TEP1: variants seen among roughly 807,000 people sequenced by gnomAD.
The protein encoded by TEP1 is telomerase associated protein 1, also known as telomerase protein component 1.
A neutral mutation model predicts 306.3 loss-of-function variants in TEP1; 241 were observed. The ratio of observed to expected loss-of-function variants is 0.79; its 90% CI spans 0.71 to 0.88. The LOEUF (loss-of-function observed/expected upper bound fraction) is 0.88, where lower values mean the gene tolerates loss of function less well. TEP1 is among the 40% of genes least tolerant of loss of function. TEP1 has a pLI of 0.00. For missense variants in TEP1, 3,051 were observed against 3,276.1 expected (o/e 0.93, Z 1.68); for synonymous variants, 1,289 against 1,305.5 (o/e 0.99, Z 0.27).
rs374209048 is a variant in TEP1, at chr14:20,402,733, G to A, written c.1266+644C>T. Among the ~76,000 whole-genome samples the A allele has an allele frequency of 5.9e-4, 90 of 152,262 alleles. 1 individual carries two copies. The South Asian group carries it at 0.018, about 30-fold the overall frequency. On this transcript the variant is annotated intron_variant, in intron 7 of 54. Coordinates refer to ENST00000262715, the MANE Select transcript of TEP1 (RefSeq NM_007110.5). ...CAGATTCTATGCTCTTAAATGCTAC[G>A]TACAATACCTTATTTGTCCAAAAGT...
chr14:20,407,615 A>G (rs1390938022), intron 2 of TEP1, among the ~76,000 whole-genome samples: 1 of 152,250 alleles, frequency 6.6e-6, no homozygotes, highest in Admixed American at 6.5e-5. Flanking sequence ...TGCTGGGATT[A>G]CAGGCATGAG....
In TEP1 at chr14:20,377,468, G is replaced by A; in HGVS notation, c.5900C>T (p.Ala1967Val). 6.2e-7 allele frequency: 1 copy of A among 1,614,080 alleles called. No individual in the cohort carries two copies. The highest frequency in any genetic ancestry group is 8.5e-7 in the Non-Finnish European group (1 of 1,179,972). The change falls in exon 41 of 55, where the codon GCA (alanine) becomes GTA (valine). Residue 1967 changes from alanine (A) to valine (V), a missense_variant. By Grantham distance (64) the Ala-to-Val change is moderately conservative. Coordinates refer to ENST00000262715, the MANE Select transcript of TEP1 (RefSeq NM_007110.5). Reference sequence around the variant, plus strand: ...CAGGGCGGACACTGCCACATCCAGTGCCTGACCCTGAGCCCCCTGGGAACC... The same window carrying A: ...CAGGGCGGACACTGCCACATCCAGTACCTGACCCTGAGCCCCCTGGGAACC... ...SSGSQGAQGQ[A>V]LDVAVSALAW...
chr14:20,383,048 T>A (rs1348917613), intron 27 of TEP1, 126 bp downstream of exon 27: 5 of 1,135,952 alleles, frequency 4.4e-6, no homozygotes, highest in Non-Finnish European at 6.2e-6. Flanking sequence ...CAACTTCCCA[T>A]GGACAGAATT....
chr14:20,379,886 T>C (rs1487863399), intron 35 of TEP1, 44 bp downstream of exon 35: 3 of 1,582,120 alleles, frequency 1.9e-6, no homozygotes, highest in South Asian at 2.4e-5. Context: ...GCAGTCTGCA[T>C]GGATTTTCAG....
rs1250076926 is a variant in TEP1, at chr14:20,405,579, G to A, written c.742C>T (p.Leu248=). Residue 248 remains leucine (L), a synonymous_variant, in exon 4 of 55, where the codon CTA becomes TTA. Coordinates refer to ENST00000262715, the MANE Select transcript of TEP1 (RefSeq NM_007110.5). The part of the protein sequence containing the change: ...DHVLQEKKMA[L]LSLLCSTLVS... ...AGAGTAGAGCACAGCAAGCTCAGTA[G>A]AGCCATCTGGGAATTGAGAAAGAGG... is the stretch of plus-strand genomic sequence containing the variant. The A allele has an allele frequency of 1.2e-6, 2 of 1,613,770 alleles. No individual in the cohort carries two copies. The highest frequency in any genetic ancestry group is 2.2e-5 in the East Asian group (1 of 44,886).
chr14:20,368,734 C>T, intron 54 of TEP1, 64 bp downstream of exon 54: 1 of 1,539,702 alleles, frequency 6.5e-7, no homozygotes, highest in Non-Finnish European at 8.9e-7. Flanking sequence ...TGTCTTGTGA[C>T]ATCCCTTTGG....
chr14:20,372,599 C>G, intron 49 of TEP1, 134 bp downstream of exon 49: 1 of 1,369,168 alleles, frequency 7.3e-7, no homozygotes, highest in Non-Finnish European at 1.0e-6. Flanking sequence ...TGGACAGAAG[C>G]AGAAAATAAT....
chr14:20,372,362 A>ATGTGTGTGTGTGTG (rs1207479974), intron 49 of TEP1, among the ~76,000 whole-genome samples: 1 of 135,008 alleles, frequency 7.4e-6, no homozygotes, highest in African/African-American at 2.7e-5. Flanking sequence ...CCCCAGGAAT[A>ATGTGTGTGTGTGTG]TGTGTGTGTG....
At chr14:20,393,171 T>C (rs1184401400) in intron 12 of TEP1, among the ~76,000 whole-genome samples, 1 of 151,484 alleles carries the variant, frequency 6.6e-6, no homozygotes, top group Non-Finnish European at 1.5e-5. Flanking sequence ...GAGCCGAGAT[T>C]GTGCCACTGC....
At chr14:20,379,251 A>G (rs1321460022) in intron 35 of TEP1, 146 bp from the exon 36 acceptor site, 11 of 1,093,898 alleles carry the variant, frequency 1.0e-5, no homozygotes, top group Non-Finnish European at 1.3e-5. Flanking sequence ...CACACGTTCA[A>G]GTGGGGGCCT....
At position 20,386,652 on chromosome 14, in the gene TEP1, T is replaced by C. The variant is rs1877187504; in HGVS notation, c.2685-29A>G. ...GGGATAAGCAGAGAGCTGGGCTCAG[T>C]CTAGGGATGATTCCCACCCCCCATC... On this transcript the variant is annotated intron_variant, in intron 18 of 54. Transcript: ENST00000262715. 4 of 1,544,540 alleles carry C rather than the reference T, an allele frequency of 2.6e-6. No individual in the cohort carries two copies. The Admixed American group carries it at 5.6e-5, about 22-fold the overall frequency.
In TEP1 at chr14:20,377,494, T is replaced by C; in HGVS notation, c.5876-2A>G. 3 of 1,613,422 alleles carry C rather than the reference T, an allele frequency of 1.9e-6. No individual in the cohort carries two copies. The highest frequency in any genetic ancestry group is 1.1e-5 in the South Asian group (1 of 91,056). ...CCTGACCCTGAGCCCCCTGGGAACC[T>C]AGAGAATGAGAGAGAACAAGGGAGT... On this transcript the variant is annotated splice_acceptor_variant, in intron 40 of 54. Coordinates refer to ENST00000262715, the MANE Select transcript of TEP1 (RefSeq NM_007110.5). LOFTEE classifies it high-confidence loss of function.
chr14:20,379,993 C>T lies in TEP1; in HGVS notation c.5064G>A (p.Gly1688=). The T allele has an allele frequency of 2.5e-6, 4 of 1,614,082 alleles. No homozygotes were observed. The highest frequency in any genetic ancestry group is 1.7e-4 in the Middle Eastern group (1 of 6,056). The change falls in exon 35 of 55, where the codon GGG becomes GGA. Residue 1688 remains glycine (G), a synonymous_variant. Transcript: ENST00000262715. ...TGGCAGTGCCCACAGCTGCTCTTTGCCCATTGGTGGAGAAGGCCACAGCAG... is the reference window on the plus strand; with the variant it reads ...TGGCAGTGCCCACAGCTGCTCTTTGTCCATTGGTGGAGAAGGCCACAGCAG... The part of the protein sequence containing the change: ...SPTAVAFSTN[G]QRAAVGTANG...
rs1416104796 is a variant in TEP1, at chr14:20,378,021, G to A, written c.5721+3C>T. The stretch of plus-strand genomic sequence containing the variant: ...ACCCACCACCAGCCCTCTGCAAGCT[G>A]ACCTTGCCATCCTCTCCAGCCGTCA... On this transcript the variant is annotated splice_donor_region_variant and intron_variant, in intron 39 of 54. Coordinates refer to ENST00000262715, the MANE Select transcript of TEP1 (RefSeq NM_007110.5). 1.3e-5 allele frequency: 21 copies of A among 1,612,482 alleles called. No individual in the cohort carries two copies. The highest frequency in any genetic ancestry group is 1.8e-5 in the Non-Finnish European group (21 of 1,179,962).
intron 1 of TEP1, among the ~76,000 whole-genome samples, chr14:20,411,898 A>G (rs932949640): frequency 1.3e-5 from 2 of 151,940 alleles, no homozygotes; most frequent in Non-Finnish European, 2.9e-5. Context: ...GAATCACTTG[A>G]GGTCAGGAGT....
At chr14:20,407,418 A>G (rs974038226) in intron 2 of TEP1, among the ~76,000 whole-genome samples, 2 of 152,110 alleles carry the variant, frequency 1.3e-5, no homozygotes, top group African/African-American at 4.8e-5. Flanking sequence ...GAGTGCAGTG[A>G]CACAATCTCG....
Position 20,408,172 on chromosome 14 carries a change from T to A in TEP1, c.268A>T (p.Thr90Ser). The change falls in exon 2 of 55, where the codon ACC becomes TCC. Residue 90 changes from threonine to serine, a missense_variant. By Grantham distance (58) the Thr-to-Ser change is moderately conservative. Around this residue, in one of 3 missense-constraint regions of TEP1, gnomAD observed 1,507 missense variants for 1,550.5 expected, o/e 0.97. Coordinates refer to ENST00000262715, the MANE Select transcript of TEP1 (RefSeq NM_007110.5). ...QCLATLSDLK[T>S]MEKPHGHVSA... is the part of the protein sequence containing the mutation. ...ACATGTCCATGTGGTTTCTCCATGG[T>A]CTTCAGGTCAGAAAGTGTGGCCAGG... 1 of 1,610,950 alleles carries A rather than the reference T, an allele frequency of 6.2e-7. No individual in the cohort carries two copies. The highest frequency in any genetic ancestry group is 8.5e-7 in the Non-Finnish European group (1 of 1,179,450).
At chr14:20,379,194 A>C in intron 35 of TEP1, 89 bp from the exon 36 acceptor site, 1 of 1,516,048 alleles carries the variant, frequency 6.6e-7, no homozygotes, top group Non-Finnish European at 8.9e-7. Context: ...AAAGAAGGCC[A>C]AGGCACAAAG....
In TEP1 at chr14:20,378,043, G is replaced by A. The variant is rs376802805; in HGVS notation, c.5702C>T (p.Thr1901Met). 2.2e-5 allele frequency: 36 copies of A among 1,613,032 alleles called. No individual in the cohort carries two copies. The highest frequency in any genetic ancestry group is 2.8e-5 in the Non-Finnish European group (33 of 1,179,992). ...LFLHAGCQLL[T>M]AGEDGKVQVW... ...GCTGACCTTGCCATCCTCTCCAGCC[G>A]TCAGTAACTGGCAACCCGCATGCAG... Residue 1901 changes from threonine to methionine, a missense_variant, in exon 39 of 55, where the codon ACG (threonine) becomes ATG (methionine). This residue lies in a region of TEP1 where 1,540 missense variants were observed against 1,705.9 expected (regional missense o/e 0.90). Transcript: ENST00000262715.
Sources: gnomAD v4.1 joint callset for allele counts (sites outside exome capture counted in the v4.1 genomes callset) on GRCh38, gnomAD v4.1.1 for gene constraint, gnomAD v4.1.1 regional missense constraint, MANE v1.5 for transcripts, NCBI Gene and HGNC (gene_info 2026-07-23, HGNC 2026-07-21) for gene names.